Variants in PRR16 observed in about 807,000 individuals in gnomAD.
The protein encoded by PRR16 is protein Largen.
In PRR16, 6 loss-of-function variants were observed where a neutral mutation model predicts 18.2. That is an observed-to-expected ratio of 0.33 (90% CI 0.18 to 0.65). PRR16 has a LOEUF of 0.65. PRR16 is among the 30% of genes least tolerant of loss of function. The pLI is 0.74. For synonymous variants in PRR16, 151 were observed against 147.8 expected, an observed-to-expected ratio of 1.02 and a Z score of -0.16; for missense variants, 412 against 376.6, an observed-to-expected ratio of 1.09 and a Z score of -0.78.
At chr5:120,477,234 C>T (rs1749470728) in intron 1 of PRR16, among the ~76,000 whole-genome samples, 1 of 152,032 alleles carries the variant, frequency 6.6e-6, no homozygotes, top group African/African-American at 2.4e-5. Flanking sequence ...TTTTTCTGAG[C>T]TTGTGTAGCC....
At chr5:120,562,858 A>G (rs972456707) in intron 1 of PRR16, among the ~76,000 whole-genome samples, 9 of 152,062 alleles carry the variant, frequency 5.9e-5, no homozygotes, top group Non-Finnish European at 8.8e-5. Context: ...AAAAGTTTTT[A>G]TAGTTATTAT....
chr5:120,681,260 C>T (rs1204610439), intron 1 of PRR16, among the ~76,000 whole-genome samples: 8 of 152,008 alleles, frequency 5.3e-5, no homozygotes, highest in Non-Finnish European at 1.0e-4. Flanking sequence ...GTTTCCTTTG[C>T]TCACTTTTTA....
intron 1 of PRR16, among the ~76,000 whole-genome samples, chr5:120,475,930 A>G (rs954812982): frequency 1.3e-4 from 20 of 152,164 alleles, no homozygotes; most frequent in African/African-American, 3.1e-4. Context: ...TAAGGGTTAT[A>G]AAAGAAAAGT....
intron 1 of PRR16, among the ~76,000 whole-genome samples, chr5:120,596,135 C>T (rs1753806622): frequency 3.0e-5 from 2 of 66,724 alleles, no homozygotes; most frequent in Admixed American, 2.5e-4. Context: ...TTTTTTATCT[C>T]TTGTCTTTTT....
chr5:120,475,003 G>T (rs947599268), intron 1 of PRR16, among the ~76,000 whole-genome samples: 3 of 152,184 alleles, frequency 2.0e-5, no homozygotes, highest in African/African-American at 7.2e-5. Context: ...TTTCACTGCT[G>T]TCTAGTGGGG....
intron 1 of PRR16, among the ~76,000 whole-genome samples, chr5:120,539,404 G>A (rs890930968): frequency 1.3e-5 from 2 of 151,396 alleles, no homozygotes; most frequent in East Asian, 3.9e-4. Flanking sequence ...ATATTCCAAA[G>A]GATTTTAATA....
chr5:120,509,747 G>A (rs995162913), intron 1 of PRR16, among the ~76,000 whole-genome samples: 2 of 152,138 alleles, frequency 1.3e-5, no homozygotes, highest in Non-Finnish European at 1.5e-5. Context: ...TTGGCCTGAA[G>A]TCGTCAGGTG....
At chr5:120,563,976 G>T (rs2112722128) in intron 1 of PRR16, among the ~76,000 whole-genome samples, 1 of 152,222 alleles carries the variant, frequency 6.6e-6, no homozygotes, top group African/African-American at 2.4e-5. Context: ...GATGAATCCT[G>T]CCGGGACTGT....
chr5:120,791,887 C>T, the PRR16 span, among the ~76,000 whole-genome samples: 1 of 151,988 alleles, frequency 6.6e-6, no homozygotes, highest in African/African-American at 2.4e-5. Context: ...CTTAGAATAC[C>T]TTGCAATGTA....
At chr5:120,615,518 T>G (rs926871320) in intron 1 of PRR16, among the ~76,000 whole-genome samples, 11 of 151,788 alleles carry the variant, frequency 7.2e-5, no homozygotes, top group African/African-American at 1.2e-4. Context: ...GCTTCAGCAT[T>G]ATAATTTTAT....
intron 1 of PRR16, among the ~76,000 whole-genome samples, chr5:120,561,084 A>G (rs1561546453): frequency 6.6e-6 from 1 of 151,224 alleles, no homozygotes. Context: ...TGCTTTGTTG[A>G]TTTTTTTGTT....
chr5:120,485,895 C>A (rs191262105), intron 1 of PRR16, among the ~76,000 whole-genome samples: 2 of 152,002 alleles, frequency 1.3e-5, no homozygotes, highest in African/African-American at 2.4e-5. Context: ...TGAGAACATG[C>A]GACATTTGGT....
chr5:120,682,266 C>T (rs1561613859), intron 1 of PRR16, among the ~76,000 whole-genome samples: 1 of 152,184 alleles, frequency 6.6e-6, no homozygotes, highest in Non-Finnish European at 1.5e-5. Context: ...TTACAGAATG[C>T]TTCACTAACC....
At chr5:120,505,168 T>G (rs1403363443) in intron 1 of PRR16, among the ~76,000 whole-genome samples, 1 of 152,220 alleles carries the variant, frequency 6.6e-6, no homozygotes. Context: ...TTCTGACTAG[T>G]GGAAATGAGT....
intron 1 of PRR16, among the ~76,000 whole-genome samples, chr5:120,653,115 A>T (rs1755847292): frequency 6.6e-6 from 1 of 151,968 alleles, no homozygotes; most frequent in Admixed American, 6.6e-5. Flanking sequence ...ATAAATCAAG[A>T]AAAATGGTTT....
At chr5:120,644,153 T>C (rs922602460) in intron 1 of PRR16, among the ~76,000 whole-genome samples, 37 of 152,232 alleles carry the variant, frequency 2.4e-4, no homozygotes, top group African/African-American at 8.7e-4. Flanking sequence ...TAATACCTAG[T>C]TTCTACTTCA....
intron 1 of PRR16, among the ~76,000 whole-genome samples, chr5:120,492,583 C>A (rs1750096550): frequency 6.6e-6 from 1 of 151,846 alleles, no homozygotes; most frequent in African/African-American, 2.4e-5. Flanking sequence ...TTTAAAATTT[C>A]AGTAGTTTTG....
intron 1 of PRR16, among the ~76,000 whole-genome samples, chr5:120,603,660 G>C (rs1331451240): frequency 1.3e-5 from 2 of 151,450 alleles, no homozygotes; most frequent in Non-Finnish European, 3.0e-5. Context: ...AGGTTAACTT[G>C]ATAACTTTCT....
intron 1 of PRR16, among the ~76,000 whole-genome samples, chr5:120,474,705 A>AT (rs1224748784): frequency 4.0e-5 from 6 of 151,034 alleles, no homozygotes; most frequent in South Asian, 4.2e-4. Context: ...CACCACTTCC[A>AT]TTTTTTTGCT....
Sources: gnomAD v4.1 joint callset for allele counts (sites outside exome capture counted in the v4.1 genomes callset) on GRCh38, gnomAD v4.1.1 for gene constraint, MANE v1.5 for transcripts, NCBI Gene and HGNC (gene_info 2026-07-23, HGNC 2026-07-21) for gene names.